Variants in BECN1 observed in about 807,000 individuals in gnomAD.
BECN1 encodes beclin-1.
A neutral mutation model predicts 60.1 loss-of-function variants in BECN1; 15 were observed. That is an observed-to-expected ratio of 0.25 (90% CI 0.17 to 0.38). The LOEUF is 0.38. Among genes scored for constraint, BECN1 ranks in the 10% least tolerant of loss-of-function variants. BECN1 has a pLI of 1.00. For missense variants in BECN1, 424 were observed against 548.2 expected, an observed-to-expected ratio of 0.77 and a Z score of 2.26; for synonymous variants, 179 against 201.8, an observed-to-expected ratio of 0.89 and a Z score of 0.96.
At chr17:42,813,887 C>T (rs190823648) in intron 10 of BECN1, 61 bp downstream of exon 10, 98 of 1,233,552 alleles carry the variant, frequency 7.9e-5, no homozygotes, top group Non-Finnish European at 1.1e-4. Flanking sequence ...AGCAAACCAT[C>T]CATTTTCTTA....
chr17:42,811,088 C>T, intron 11 of BECN1, 160 bp from the exon 12 acceptor site: 1 of 679,600 alleles, frequency 1.5e-6, no homozygotes, highest in Non-Finnish European at 2.3e-6. Context: ...AGCCAAAAAT[C>T]AAGAAGACTG....
At position 42,811,699 on chromosome 17, in the gene BECN1, T is replaced by C; in HGVS notation, c.1140A>G (p.Lys380=). 2 of 1,614,200 alleles carry C rather than the reference T, an allele frequency of 1.2e-6. No individual in the cohort carries two copies. Residue 380 remains lysine, a synonymous_variant, in exon 11 of 12, where the codon AAA becomes AAG. Coordinates refer to ENST00000590099, the MANE Select transcript of BECN1 (RefSeq NM_001313998.2). ...GTGTCTCGCCTTTCTCAACCTCTTC[T>C]TTGAACTGCTGCACACAGTCCAGGA... The part of the protein sequence containing the change: ...VAFLDCVQQF[K]EEVEKGETRF...
At chr17:42,812,932 T>TCACGCCATTCTCCTGCCA (rs1489641881) in intron 10 of BECN1, 1 of 142,830 alleles carries the variant, frequency 7.0e-6, no homozygotes, top group East Asian at 2.4e-4. Context: ...CCTCCCAGGT[T>TCACGCCATTCTCCTGCCA]CACGCCATTC....
intron 3 of BECN1, chr17:42,820,466 C>A (rs1008381983): frequency 6.4e-6 from 2 of 311,340 alleles, no homozygotes; most frequent in Non-Finnish European, 1.2e-5. Flanking sequence ...ACGACCTGGA[C>A]ACACAGGTCA....
At position 42,810,605 on chromosome 17, in the gene BECN1, A is replaced by G. The variant is rs2054975700; in HGVS notation, c.*155T>C. 8 of 760,704 alleles carry G rather than the reference A, an allele frequency of 1.1e-5. No individual in the cohort carries two copies. The allele number at this position is 760,704 out of a possible 1,614,324, so 47.1% of individuals were successfully genotyped here. ...TGTAGCTCTGGAAAGTATCTGTCAC[A>G]TGATATTTTAAAATAAAGTGGCTTT... On this transcript the variant is annotated 3_prime_UTR_variant, in exon 12 of 12. Transcript: ENST00000590099.
At chr17:42,823,102 C>A (rs923362815) in intron 2 of BECN1, among the ~76,000 whole-genome samples, 1 of 152,124 alleles carries the variant, frequency 6.6e-6, no homozygotes, top group African/African-American at 2.4e-5. Context: ...ATACCCCGTA[C>A]GGGTTGTTAC....
chr17:42,814,108 G>T, intron 9 of BECN1, 100 bp from the exon 10 acceptor site: 1 of 808,664 alleles, frequency 1.2e-6, no homozygotes, highest in Non-Finnish European at 1.9e-6. Flanking sequence ...CTGGCCAAGG[G>T]CTTCTTTTAT....
At chr17:42,819,151 G>T (rs2055208909) in intron 4 of BECN1, 1 of 494,152 alleles carries the variant, frequency 2.0e-6, no homozygotes, top group Admixed American at 3.7e-5. Flanking sequence ...GAAAAGAAGG[G>T]AGAACCAGGA....
Position 42,811,731 on chromosome 17 carries a change from C to A in BECN1, c.1108G>T (p.Val370Leu). 6.2e-7 allele frequency: 1 copy of A among 1,614,238 alleles called. No individual in the cohort carries two copies. Among genetic ancestry groups the A allele is most frequent in the Non-Finnish European group, 8.5e-7 (1 of 1,180,044 alleles). Residue 370 changes from valine (V) to leucine (L), a missense_variant, in exon 11 of 12, where the codon GTG becomes TTG. By Grantham distance (32) the Val-to-Leu change is conservative. Around this residue, in one of 3 missense-constraint regions of BECN1, gnomAD observed 326 missense variants for 406.2 expected, o/e 0.80. Coordinates refer to ENST00000590099, the MANE Select transcript of BECN1 (RefSeq NM_001313998.2). ...FWDNKFDHAMVAFLDCVQQFK... is the reference protein window; with the variant it reads ...FWDNKFDHAMLAFLDCVQQFK... ...TGCTGCACACAGTCCAGGAAAGCCA[C>A]CATTGCATGGTCAAACTTGTTGTCC...
chr17:42,815,768 C>T, intron 8 of BECN1, 140 bp downstream of exon 8: 1 of 1,092,054 alleles, frequency 9.2e-7, no homozygotes, highest in Non-Finnish European at 1.4e-6. Context: ...GTGCCTATCC[C>T]ATCACTATGA....
intron 10 of BECN1, 74 bp from the exon 11 acceptor site, chr17:42,811,871 A>G (rs2055016221): frequency 1.9e-6 from 3 of 1,539,228 alleles, no homozygotes; most frequent in Non-Finnish European, 2.6e-6. Context: ...CAATCCTATC[A>G]ATCTCTCAAG....
At chr17:42,818,137 A>C in intron 7 of BECN1, 84 bp downstream of exon 7, 1 of 1,451,556 alleles carries the variant, frequency 6.9e-7, no homozygotes, top group South Asian at 1.3e-5. Flanking sequence ...ACTAGTTTAC[A>C]AACTATTCAG....
chr17:42,810,971 A>G (rs2054988291), intron 11 of BECN1, 43 bp from the exon 12 acceptor site: 2 of 1,511,378 alleles, frequency 1.3e-6, no homozygotes, highest in African/African-American at 1.4e-5. Flanking sequence ...CTGAGATCTG[A>G]GTTAAGTAAG....
rs1734678934 is a variant in BECN1 at position 42,818,326 on chromosome 17, C to T, written c.578G>A (p.Arg193Lys). ...ELKELALEEE[R>K]LIQELEDVEK... ...CACGTCTTCCAGCTCCTGGATCAGCCTCTCCTCCTCTAGTGCCAGCTCCTT... is the reference window on the plus strand; with the variant it reads ...CACGTCTTCCAGCTCCTGGATCAGCTTCTCCTCCTCTAGTGCCAGCTCCTT... The change falls in exon 7 of 12, where the codon AGG becomes AAG. Residue 193 changes from arginine (R) to lysine (K), a missense_variant. Coordinates refer to ENST00000590099, the MANE Select transcript of BECN1 (RefSeq NM_001313998.2). 6.2e-7 allele frequency: 1 copy of T among 1,614,078 alleles called. No individual in the cohort carries two copies. Among genetic ancestry groups the T allele is most frequent in the Admixed American group, 1.7e-5 (1 of 60,006 alleles).
chr17:42,824,083 G>A (rs2055337680), intron 1 of BECN1, 72 bp downstream of exon 1: 2 of 587,068 alleles, frequency 3.4e-6, no homozygotes, highest in Non-Finnish European at 5.8e-6. Context: ...TCAGGGAAGG[G>A]ACTCCAATAA....
chr17:42,814,586 A>G lies in BECN1; in HGVS notation c.918T>C (p.Ala306=). The G allele has an allele frequency of 6.2e-7, 1 of 1,614,208 alleles. No homozygotes were observed. Among genetic ancestry groups the G allele is most frequent in the Non-Finnish European group, 8.5e-7 (1 of 1,180,038 alleles). The change falls in exon 9 of 12, where the codon GCT becomes GCC. Residue 306 remains alanine, a synonymous_variant. Coordinates refer to ENST00000590099, the MANE Select transcript of BECN1 (RefSeq NM_001313998.2). The part of the protein sequence containing the change: ...VPVEWNEINA[A]WGQTVLLLHA... ...GGAGCAGCAACACAGTCTGGCCCCA[A>G]GCAGCATTAATCTCATTCCATTCCA...
chr17:42,815,808 C>T, intron 8 of BECN1, 100 bp downstream of exon 8: 1 of 1,480,540 alleles, frequency 6.8e-7, no homozygotes, highest in Non-Finnish European at 9.4e-7. Flanking sequence ...GTGAAGATAA[C>T]CTACAGTCCC....
At chr17:42,819,212 C>A in intron 4 of BECN1, 1 of 463,000 alleles carries the variant, frequency 2.2e-6, no homozygotes, top group Middle Eastern at 5.5e-4. Flanking sequence ...TCTTTACCTG[C>A]AGCAATGAGA....
At chr17:42,818,170 T>C (rs1195086640) in intron 7 of BECN1, 51 bp downstream of exon 7, 5 of 1,578,096 alleles carry the variant, frequency 3.2e-6, no homozygotes, top group Non-Finnish European at 4.3e-6. Context: ...GGAAGCCATT[T>C]CCTCTCCTGG....
Sources: allele counts gnomAD v4.1 joint callset (sites outside exome capture counted in the v4.1 genomes callset), GRCh38; gene constraint gnomAD v4.1.1; regional missense constraint gnomAD v4.1.1; transcripts MANE v1.5; gene names NCBI Gene and HGNC (gene_info 2026-07-23, HGNC 2026-07-21).